Variants in SLC9A3 observed in about 807,000 individuals in gnomAD.
SLC9A3 encodes solute carrier family 9 member A3.
Under a neutral mutation model 86.8 loss-of-function variants are expected in SLC9A3, and 37 were observed. The observed-to-expected ratio is 0.43, with a 90% CI of 0.33 to 0.56. SLC9A3 has a LOEUF of 0.56. SLC9A3 is among the 20% of genes least tolerant of loss of function. The pLI, the probability that SLC9A3 is intolerant of heterozygous loss-of-function variation, is 0.06. For synonymous variants in SLC9A3, 581 were observed against 528.3 expected (o/e 1.10, Z -1.37); for missense variants, 1,011 against 1,171.9 (o/e 0.86, Z 2.00).
In SLC9A3 at chr5:477,273, C is replaced by A. The variant is rs370593076; in HGVS notation, c.1760+59G>T. The A allele has an allele frequency of 1.0e-4, 127 of 1,256,648 alleles. No individual in the cohort carries two copies. The East Asian group carries it at 2.9e-3, about 29-fold the overall frequency. 77.8% of individuals were successfully genotyped at this position (1,256,648 alleles called of 1,614,324 possible). ...GGAGCCACCACAGCCCTGTCTGTGACTCTCAGCTCCCGAGGCTGGGCTCTT... is the reference window on the plus strand; with the variant it reads ...GGAGCCACCACAGCCCTGTCTGTGAATCTCAGCTCCCGAGGCTGGGCTCTT... On this transcript the variant is annotated intron_variant, in intron 11 of 16. Coordinates refer to ENST00000264938, the MANE Select transcript of SLC9A3 (RefSeq NM_004174.4).
rs1446076456 is a variant in SLC9A3 at position 496,829 on chromosome 5, T to C, written c.212-4758A>G. On this transcript the variant is annotated intron_variant, in intron 1 of 16. Transcript: ENST00000264938. The surrounding 1 kb of genome is among the most constrained non-coding windows in gnomAD (Gnocchi z 4.7). ...AGTTTGGGAGGCCAAGGCAGGTGGA[T>C]CCCTTGAGCCCAGGAGTTCGAGACC... 6.6e-6 allele frequency among the ~76,000 whole-genome samples: 1 copy of C among 152,016 alleles called. No homozygotes were observed. The highest frequency in any genetic ancestry group is 1.5e-5 in the Non-Finnish European group (1 of 68,010).
At position 472,411 on chromosome 5, in the gene SLC9A3, C is replaced by T; in HGVS notation, c.*968G>A. On this transcript the variant is annotated 3_prime_UTR_variant, in exon 17 of 17. Coordinates refer to ENST00000264938, the MANE Select transcript of SLC9A3 (RefSeq NM_004174.4). ...GGACAGAGCAGCTGCTGGGCCCCAC[C>T]ATCCACTTAAGGACTGGCCGTGATT... The T allele has an allele frequency of 3.0e-6, 1 of 334,982 alleles. No individual in the cohort carries two copies. Among genetic ancestry groups the T allele is most frequent in the Non-Finnish European group, 5.8e-6 (1 of 171,118 alleles). 20.8% of individuals were successfully genotyped at this position (334,982 alleles called of 1,614,324 possible).
intron 6 of SLC9A3, 64 bp downstream of exon 6, chr5:483,198 C>G (rs562811955): frequency 1.6e-6 from 2 of 1,265,252 alleles, no homozygotes; most frequent in Non-Finnish European, 2.2e-6. Flanking sequence ...AGAAAGCCTG[C>G]GCCTTCCCGG....
intron 1 of SLC9A3, among the ~76,000 whole-genome samples, chr5:518,461 C>T (rs1233538212): frequency 6.6e-6 from 1 of 151,964 alleles, no homozygotes; most frequent in Admixed American, 6.6e-5. Flanking sequence ...CACCTGGTAC[C>T]CAGAAACCTG....
At position 484,502 on chromosome 5, in the gene SLC9A3, T is replaced by A. The variant is rs914473072; in HGVS notation, c.932+18A>T. The A allele has an allele frequency of 6.2e-7, 1 of 1,609,262 alleles. No homozygotes were observed. Among genetic ancestry groups the A allele is most frequent in the Non-Finnish European group, 8.5e-7 (1 of 1,178,074 alleles). ...GGAGGAGGGCGTGGAGAAGCTCGCG[T>A]GTGTGGGAGGGACTCACGCGAGGAT... On this transcript the variant is annotated intron_variant, in intron 5 of 16. Coordinates refer to ENST00000264938, the MANE Select transcript of SLC9A3 (RefSeq NM_004174.4).
chr5:490,183 C>T (rs965633646), intron 2 of SLC9A3, among the ~76,000 whole-genome samples: 3 of 74,056 alleles, frequency 4.1e-5, no homozygotes, highest in Admixed American at 1.1e-4. Flanking sequence ...AGCTGGGCCC[C>T]AAGGCTGAGC....
At chr5:503,855 T>C (rs1740418306) in intron 1 of SLC9A3, among the ~76,000 whole-genome samples, 1 of 152,202 alleles carries the variant, frequency 6.6e-6, no homozygotes, top group Admixed American at 6.5e-5. Flanking sequence ...CGGCTGTGGT[T>C]TCTCCTGAAT....
At position 484,614 on chromosome 5, in the gene SLC9A3, T is replaced by C; in HGVS notation, c.838A>G (p.Lys280Glu). Reference protein sequence around the residue: ...FLLSLVTRFTKHVRIIEPGFV... With the variant: ...FLLSLVTRFTEHVRIIEPGFV... ...CCGGGCTCGATGATACGCACATGCT[T>C]GGTGAAGCGCGTCACCAGCGACAGC... The change falls in exon 5 of 17, where the codon AAG becomes GAG. Residue 280 changes from lysine (K) to glutamate (E), a missense_variant. Around this residue, in one of 3 missense-constraint regions of SLC9A3, gnomAD observed 565 missense variants for 790.0 expected, o/e 0.72. Coordinates refer to ENST00000264938, the MANE Select transcript of SLC9A3 (RefSeq NM_004174.4). 6.2e-7 allele frequency: 1 copy of C among 1,613,284 alleles called. No individual in the cohort carries two copies. Among genetic ancestry groups the C allele is most frequent in the Non-Finnish European group, 8.5e-7 (1 of 1,179,952 alleles).
Position 497,531 on chromosome 5 carries a change from CTCTG to C in SLC9A3, c.212-5464_212-5461del, listed in dbSNP as rs772109401. ...GTCGGAGCCACTCGTTCACGTTTAT[CTCTG>C]TCTGGTTGTCAGAATAAATTGTTTC... is the stretch of plus-strand genomic sequence containing the variant. On this transcript the variant is annotated intron_variant, in intron 1 of 16. Transcript: ENST00000264938. This position sits in a 1 kb window ranked among gnomAD's most constrained non-coding sequence, Gnocchi z 5.4. 1.1e-4 allele frequency among the ~76,000 whole-genome samples: 17 copies of C among 152,368 alleles called. No individual in the cohort carries two copies. Among genetic ancestry groups the C allele is most frequent in the Non-Finnish European group, 1.9e-4 (13 of 68,038 alleles).
rs1238485740 is a variant in SLC9A3 at position 470,837 on chromosome 5, T to TATCA, written c.*2538_*2541dup. On this transcript the variant is annotated 3_prime_UTR_variant, in exon 17 of 17. Coordinates refer to ENST00000264938, the MANE Select transcript of SLC9A3 (RefSeq NM_004174.4). ...TGATTTCCTCAATTTGTTTATAGTC[T>TATCA]ATCACAAAGTAGGCCAAAGTTCAGT... The TATCA allele has an allele frequency of 6.6e-6, 1 of 152,392 alleles. No individual in the cohort carries two copies. The highest frequency in any genetic ancestry group is 1.9e-4 in the East Asian group (1 of 5,340). 9.4% of individuals were successfully genotyped at this position (152,392 alleles called of 1,614,324 possible). A position where few individuals can be genotyped will look rare whatever the true frequency, so the allele number is the denominator to read the frequency against.
intron 1 of SLC9A3, among the ~76,000 whole-genome samples, chr5:509,167 G>A (rs1336236545): frequency 2.6e-5 from 4 of 151,454 alleles, no homozygotes; most frequent in Non-Finnish European, 4.4e-5. Context: ...GAAAATGTAG[G>A]GCCAGGCACA....
intron 9 of SLC9A3, chr5:480,297 C>T (rs1386353544): frequency 1.6e-5 from 4 of 256,912 alleles, no homozygotes; most frequent in African/African-American, 4.5e-5. Context: ...AGGGCAGGGG[C>T]GGACAGACAC....
rs1357685455 is a variant in SLC9A3 at position 473,258 on chromosome 5, C to G, written c.*121G>C. The G allele has an allele frequency of 4.5e-6, 5 of 1,106,960 alleles. No individual in the cohort carries two copies. Among genetic ancestry groups the G allele is most frequent in the Non-Finnish European group, 4.6e-6 (4 of 868,868 alleles). The allele number at this position is 1,106,960 out of a possible 1,614,324, so 68.6% of individuals were successfully genotyped here. ...GCGCTGGCGTGGGCGAGGCGGGGCT[C>G]GGGGCTCGCGGTCGCTGTAGCCGCG... On this transcript the variant is annotated 3_prime_UTR_variant, in exon 17 of 17. Transcript: ENST00000264938.
chr5:480,105 C>T, intron 9 of SLC9A3, 140 bp from the exon 10 acceptor site: 4 of 889,632 alleles, frequency 4.5e-6, no homozygotes, highest in Non-Finnish European at 6.7e-6. Context: ...GGAAGCAGCC[C>T]CTGCCACACG....
chr5:494,699 G>A (rs576445878), intron 1 of SLC9A3, among the ~76,000 whole-genome samples: 5 of 152,168 alleles, frequency 3.3e-5, no homozygotes, highest in South Asian at 2.1e-4. Flanking sequence ...CGGTGCCGGC[G>A]CCTGCCCACC....
Position 473,008 on chromosome 5 carries a change from G to C in SLC9A3, c.*371C>G, listed in dbSNP as rs1199192171. 2.2e-6 allele frequency: 1 copy of C among 452,232 alleles called. No homozygotes were observed. 28.0% of individuals were successfully genotyped at this position (452,232 alleles called of 1,614,324 possible). A position where few individuals can be genotyped will look rare whatever the true frequency, so the allele number is the denominator to read the frequency against. The stretch of plus-strand genomic sequence containing the variant: ...TGCTCCAGCGCGTGCGGCGGTGCGT[G>C]GCACGAGGGCGGCAGCGACGCCAGC... On this transcript the variant is annotated 3_prime_UTR_variant, in exon 17 of 17. Transcript: ENST00000264938.
chr5:482,790 C>G (rs765520259), intron 6 of SLC9A3, 40 bp from the exon 7 acceptor site: 2 of 1,517,098 alleles, frequency 1.3e-6, no homozygotes, highest in East Asian at 4.8e-5. Flanking sequence ...CCCGGCCGCC[C>G]TCCCAGCCGC....
chr5:485,153 CT>C lies in SLC9A3; in HGVS notation c.753del (p.Ile251MetfsTer7). On this transcript the variant is annotated frameshift_variant and splice_region_variant, in exon 4 of 17. Coordinates refer to ENST00000264938, the MANE Select transcript of SLC9A3 (RefSeq NM_004174.4). LOFTEE classifies it high-confidence loss of function. ...CTCCCCCTGACCCACAGCTACACAC[CT>C]ATGCCCTTCACGCAGTCCACGCCAG... ...NVTGVDCVKG[I>X]VSFFVVSLGG... 1.2e-6 allele frequency: 2 copies of C among 1,612,240 alleles called. No individual in the cohort carries two copies. Among genetic ancestry groups the C allele is most frequent in the Non-Finnish European group, 1.7e-6 (2 of 1,178,378 alleles).
chr5:502,476 G>A (rs1280211839), intron 1 of SLC9A3, among the ~76,000 whole-genome samples: 3 of 152,326 alleles, frequency 2.0e-5, no homozygotes, highest in African/African-American at 4.8e-5. Context: ...GGGCCGCAGC[G>A]GAGCACAGTC....
Sources: allele counts gnomAD v4.1 joint callset (sites outside exome capture counted in the v4.1 genomes callset), GRCh38; gene constraint gnomAD v4.1.1; regional missense constraint gnomAD v4.1.1; non-coding constraint Gnocchi (gnomAD v3.1); transcripts MANE v1.5; gene names NCBI Gene and HGNC (gene_info 2026-07-23, HGNC 2026-07-21).